The following GDPD5 variants were observed in gnomAD, a reference collection of about 807,000 sequenced individuals.
GDPD5 encodes glycerophosphodiester phosphodiesterase 2.
A neutral mutation model predicts 75.1 loss-of-function variants in GDPD5; 48 were observed. The ratio of observed to expected loss-of-function variants is 0.64; its 90% confidence interval spans 0.51 to 0.81. GDPD5 has a LOEUF of 0.81. GDPD5 is among the 40% of genes least tolerant of loss of function. The pLI, the probability that GDPD5 is intolerant of heterozygous loss-of-function variation, is 0.00. For missense variants in GDPD5, 706 were observed against 822.6 expected, an observed-to-expected ratio of 0.86 and a Z score of 1.73; for synonymous variants, 336 against 339.0, an observed-to-expected ratio of 0.99 and a Z score of 0.10.
intron 12 of GDPD5, among the ~76,000 whole-genome samples, chr11:75,442,134 C>T (rs928028982): frequency 1.3e-5 from 2 of 152,240 alleles, no homozygotes; most frequent in African/African-American, 2.4e-5. Context: ...AACGACAGGG[C>T]AACACTTCAC....
At chr11:75,450,986 C>T (rs1949131664) in intron 6 of GDPD5, 1 of 152,488 alleles carries the variant, frequency 6.6e-6, no homozygotes, top group South Asian at 2.1e-4. Flanking sequence ...CGCCCTGCCT[C>T]CCTGGAGCCG....
chr11:75,515,083 C>CCAGG (rs1950609511), intron 1 of GDPD5, among the ~76,000 whole-genome samples: 1 of 152,204 alleles, frequency 6.6e-6, no homozygotes, highest in African/African-American at 2.4e-5. Context: ...CAGGAAGTCT[C>CCAGG]TGAGGATCCA....
chr11:75,469,413 G>T (rs1411250730), intron 3 of GDPD5, among the ~76,000 whole-genome samples: 2 of 152,220 alleles, frequency 1.3e-5, no homozygotes, highest in African/African-American at 2.4e-5. Context: ...ACAGAGGAAG[G>T]AAGGGACTTG....
intron 1 of GDPD5, among the ~76,000 whole-genome samples, chr11:75,518,388 T>C (rs752445683): frequency 3.3e-5 from 5 of 152,152 alleles, no homozygotes; most frequent in Non-Finnish European, 7.4e-5. Context: ...TGTGCAAGTA[T>C]TGTCTTGGGA....
chr11:75,474,016 G>T (rs1949729399), intron 3 of GDPD5, among the ~76,000 whole-genome samples: 1 of 152,230 alleles, frequency 6.6e-6, no homozygotes, highest in African/African-American at 2.4e-5. Flanking sequence ...GGACAGGTTT[G>T]TTGATTGAAT....
In GDPD5 at chr11:75,449,936, G is replaced by A. The variant is rs764686008; in HGVS notation, c.423C>T (p.Ala141=). The A allele has an allele frequency of 5.7e-5, 92 of 1,613,644 alleles. No homozygotes were observed. The highest frequency in any genetic ancestry group is 8.8e-5 in the South Asian group (8 of 91,088). The change falls in exon 7 of 17, where the codon GCC becomes GCT. Residue 141 remains alanine, a synonymous_variant. Coordinates refer to ENST00000336898, the MANE Select transcript of GDPD5 (RefSeq NM_030792.8). ...ILASTVVAMS[A]VAQLWEDEWE... ...ACTCGTCCTCCCACAGCTGGGCCAC[G>A]GCCGACATGGCCACCACCGTGGAAG...
chr11:75,496,779 C>CTTTCTTTTTTTTTTTTTTTTTTTTTTT (rs58663409), intron 1 of GDPD5, among the ~76,000 whole-genome samples: 11 of 103,118 alleles, frequency 1.1e-4, no homozygotes, highest in Admixed American at 1.3e-4. Context: ...TTCTTTCTTT[C>CTTTCTTTTTTTTTTTTTTTTTTTTTTT]TTTTTTTTTT....
At chr11:75,471,234 G>T (rs1318751099) in intron 3 of GDPD5, among the ~76,000 whole-genome samples, 4 of 152,236 alleles carry the variant, frequency 2.6e-5, no homozygotes, top group Admixed American at 2.6e-4. Context: ...GAGATGGGCA[G>T]GCTATGGCAG....
chr11:75,511,622 G>A (rs1950520463), intron 1 of GDPD5, among the ~76,000 whole-genome samples: 1 of 152,138 alleles, frequency 6.6e-6, no homozygotes, highest in Non-Finnish European at 1.5e-5. Context: ...GGCGGGACAA[G>A]GTCTGCAGGT....
chr11:75,440,606 T>C (rs544719), intron 14 of GDPD5, among the ~76,000 whole-genome samples: 99,957 of 152,082 alleles, frequency 0.66, 33,736 homozygotes, highest in East Asian at 0.92. Flanking sequence ...CACTTTGTCA[T>C]CCAGGCTGGA....
Position 75,449,896 on chromosome 11 carries a change from T to C in GDPD5, c.463A>G (p.Ile155Val). ...CCCTCCTCACTCACCTGCAGGGAGATCAGCAGCACCTCCCACTCGTCCTCC... is the reference window on the plus strand; with the variant it reads ...CCCTCCTCACTCACCTGCAGGGAGACCAGCAGCACCTCCCACTCGTCCTCC... ...LWEDEWEVLL[I>V]SLQGTAPFLH... Residue 155 changes from isoleucine (I) to valine (V), a missense_variant, in exon 7 of 17, where the codon ATC becomes GTC. By Grantham distance (29) the Ile-to-Val change is conservative. Coordinates refer to ENST00000336898, the MANE Select transcript of GDPD5 (RefSeq NM_030792.8). The C allele has an allele frequency of 6.2e-7, 1 of 1,613,482 alleles. No individual in the cohort carries two copies. Among genetic ancestry groups the C allele is most frequent in the Non-Finnish European group, 8.5e-7 (1 of 1,179,866 alleles).
intron 10 of GDPD5, among the ~76,000 whole-genome samples, chr11:75,443,844 A>G (rs1256350556): frequency 1.3e-5 from 2 of 152,172 alleles, no homozygotes; most frequent in African/African-American, 4.8e-5. Context: ...GCATTTTACC[A>G]CCATCTGCTA....
intron 3 of GDPD5, among the ~76,000 whole-genome samples, chr11:75,470,108 T>C (rs1949626000): frequency 6.6e-6 from 1 of 152,168 alleles, no homozygotes; most frequent in Non-Finnish European, 1.5e-5. Context: ...GAAGCCTTCC[T>C]GGAGGAGAAG....
chr11:75,512,818 G>T (rs1410369224), intron 1 of GDPD5, among the ~76,000 whole-genome samples: 1 of 152,164 alleles, frequency 6.6e-6, no homozygotes, highest in Admixed American at 6.5e-5. Flanking sequence ...GGGAGGCCGA[G>T]GCAGGAGAAT....
chr11:75,473,132 G>C (rs1166378218), intron 3 of GDPD5, among the ~76,000 whole-genome samples: 1 of 151,772 alleles, frequency 6.6e-6, no homozygotes, highest in Admixed American at 6.6e-5. Context: ...GGAAGGGGCA[G>C]AGGAGCTGGG....
At position 75,477,757 on chromosome 11, in the gene GDPD5, G is replaced by A. The variant is rs374805727; in HGVS notation, c.-22C>T. The A allele has an allele frequency of 2.1e-5, 32 of 1,518,374 alleles. No homozygotes were observed. The highest frequency in any genetic ancestry group is 2.6e-5 in the Non-Finnish European group (29 of 1,119,608). 94.1% of individuals were successfully genotyped at this position (1,518,374 alleles called of 1,614,324 possible). A position where few individuals can be genotyped will look rare whatever the true frequency, so the allele number is the denominator to read the frequency against. ...CCATACTCGTGCCCACGGCCCTGGCGCCTGGCCCTCAGGCGCCCATGGAGG... is the reference window on the plus strand; with the variant it reads ...CCATACTCGTGCCCACGGCCCTGGCACCTGGCCCTCAGGCGCCCATGGAGG... On this transcript the variant is annotated 5_prime_UTR_variant, in exon 3 of 17. Transcript: ENST00000336898.
chr11:75,508,660 T>C (rs932312634), intron 1 of GDPD5, among the ~76,000 whole-genome samples: 1 of 152,170 alleles, frequency 6.6e-6, no homozygotes, highest in Non-Finnish European at 1.5e-5. Context: ...CCACTATATC[T>C]TTCTCCCTGC....
At chr11:75,500,886 C>A (rs925208587) in intron 1 of GDPD5, among the ~76,000 whole-genome samples, 1 of 152,190 alleles carries the variant, frequency 6.6e-6, no homozygotes, top group African/African-American at 2.4e-5. Flanking sequence ...CCAAACAGCT[C>A]TGTAGTCACC....
intron 2 of GDPD5, among the ~76,000 whole-genome samples, chr11:75,489,318 TG>T (rs1950068989): frequency 6.6e-6 from 1 of 152,236 alleles, no homozygotes. Context: ...ATCACTGTCA[TG>T]AACATCACTA....
Sources: gnomAD v4.1 joint callset for allele counts (sites outside exome capture counted in the v4.1 genomes callset) on GRCh38, gnomAD v4.1.1 for gene constraint, MANE v1.5 for transcripts, NCBI Gene and HGNC (gene_info 2026-07-23, HGNC 2026-07-21) for gene names.